The following GRK5 variants were observed in gnomAD, a reference collection of about 807,000 sequenced individuals.
The protein encoded by GRK5 is G protein-coupled receptor kinase 5, also known as g protein-coupled receptor kinase GRK5.
GRK5 carries 40 observed loss-of-function variants against 78.4 expected under a neutral mutation model. That is an observed-to-expected ratio of 0.51 (90% CI 0.40 to 0.66). The LOEUF is 0.66. GRK5 is among the 30% of genes least tolerant of loss of function. The probability of loss-of-function intolerance (pLI) is 0.00; values close to 1 mark genes in which losing one functional copy is unlikely to be tolerated. For missense variants in GRK5, 598 were observed against 759.9 expected, an observed-to-expected ratio of 0.79 and a Z score of 2.50; for synonymous variants, 289 against 296.8, an observed-to-expected ratio of 0.97 and a Z score of 0.27.
intron 4 of GRK5, among the ~76,000 whole-genome samples, chr10:119,407,869 A>G (rs1852265367): frequency 6.6e-6 from 1 of 152,104 alleles, no homozygotes; most frequent in African/African-American, 2.4e-5. Flanking sequence ...TACAAAGAAA[A>G]GAAAACTTGG....
At chr10:119,242,037 T>C (rs1485591631) in intron 1 of GRK5, among the ~76,000 whole-genome samples, 1 of 151,924 alleles carries the variant, frequency 6.6e-6, no homozygotes, top group Non-Finnish European at 1.5e-5. Context: ...GTGCTAAGAG[T>C]TGTCTGCTTT....
intron 2 of GRK5, among the ~76,000 whole-genome samples, chr10:119,362,901 T>A (rs539283497): frequency 6.6e-6 from 1 of 151,878 alleles, no homozygotes; most frequent in South Asian, 2.1e-4. Context: ...TTTAACCCCT[T>A]ATTGGCAGCC....
At chr10:119,234,082 C>T (rs1444199199) in intron 1 of GRK5, among the ~76,000 whole-genome samples, 1 of 152,202 alleles carries the variant, frequency 6.6e-6, no homozygotes, top group African/African-American at 2.4e-5. Context: ...GTGCCACCTC[C>T]CATTAGCCTT....
chr10:119,342,754 A>T lies in GRK5; in HGVS notation c.148+16143A>T, dbSNP rs192776119. On this transcript the variant is annotated intron_variant, in intron 2 of 15. Coordinates refer to ENST00000392870, the MANE Select transcript of GRK5 (RefSeq NM_005308.3). ...GCCAGGGTGCTGCCAGGTGGTGGGG[A>T]GCGGCTTTCAGAAGTGGCTCTTGGC... Among the ~76,000 whole-genome samples the T allele has an allele frequency of 3.5e-3, 537 of 152,094 alleles. 2 individuals carry two copies. Among genetic ancestry groups the T allele is most frequent in the Non-Finnish European group, 5.3e-3 (357 of 67,980 alleles).
At chr10:119,388,796 C>A (rs74724853) in intron 3 of GRK5, among the ~76,000 whole-genome samples, 4 of 152,234 alleles carry the variant, frequency 2.6e-5, no homozygotes, top group Non-Finnish European at 5.9e-5. Context: ...GGGCTGCAGT[C>A]ATCTGAAGGC....
intron 3 of GRK5, among the ~76,000 whole-genome samples, chr10:119,394,384 GTATC>G (rs1851978774): frequency 5.1e-5 from 3 of 58,528 alleles, no homozygotes; most frequent in Non-Finnish European, 1.1e-4. Flanking sequence ...GTCGGTGTGT[GTATC>G]TGTGTCTGTG....
chr10:119,251,390 C>A (rs971315918), intron 1 of GRK5, among the ~76,000 whole-genome samples: 26 of 152,196 alleles, frequency 1.7e-4, no homozygotes, highest in Admixed American at 5.2e-4. Flanking sequence ...ATCACCAATG[C>A]CTTTCTGTGA....
At chr10:119,262,708 A>C (rs561214222) in intron 1 of GRK5, among the ~76,000 whole-genome samples, 2 of 152,236 alleles carry the variant, frequency 1.3e-5, no homozygotes, top group African/African-American at 4.8e-5. Context: ...GATTAAGATT[A>C]TTTTGGAATC....
At chr10:119,392,650 C>T (rs149294584) in intron 3 of GRK5, among the ~76,000 whole-genome samples, 6,073 of 152,122 alleles carry the variant, frequency 0.04, 172 homozygotes, top group South Asian at 0.079. Flanking sequence ...GTGATCCGCC[C>T]GCCTCGGCCT....
chr10:119,249,255 G>C (rs1235533183), intron 1 of GRK5, among the ~76,000 whole-genome samples: 1 of 151,740 alleles, frequency 6.6e-6, no homozygotes, highest in East Asian at 1.9e-4. Context: ...TGGGCAACAA[G>C]AGCGAAACTT....
intron 2 of GRK5, among the ~76,000 whole-genome samples, chr10:119,342,129 G>C (rs376637495): frequency 1.3e-5 from 2 of 152,216 alleles, no homozygotes; most frequent in African/African-American, 4.8e-5. Flanking sequence ...TAAAGGCCTT[G>C]GCTGAGCCCA....
At chr10:119,423,402 T>G in intron 5 of GRK5, 136 bp downstream of exon 5, 1 of 642,984 alleles carries the variant, frequency 1.6e-6, no homozygotes, top group South Asian at 1.9e-5. Context: ...TACCAACTGT[T>G]TGTATACTTC....
At chr10:119,272,764 G>C (rs1483791746) in intron 1 of GRK5, among the ~76,000 whole-genome samples, 1 of 152,134 alleles carries the variant, frequency 6.6e-6, no homozygotes, top group Non-Finnish European at 1.5e-5. Flanking sequence ...AAATACCACA[G>C]AATCTGGAGT....
chr10:119,341,733 T>C (rs547838550), intron 2 of GRK5, among the ~76,000 whole-genome samples: 2 of 152,268 alleles, frequency 1.3e-5, no homozygotes, highest in South Asian at 4.1e-4. Flanking sequence ...CAGGCACTTG[T>C]AGAATCTTGT....
intron 1 of GRK5, among the ~76,000 whole-genome samples, chr10:119,311,030 G>C (rs1850350165): frequency 6.6e-6 from 1 of 152,182 alleles, no homozygotes; most frequent in Non-Finnish European, 1.5e-5. Context: ...CCCAGGGGAG[G>C]GGCTGTGTGT....
At chr10:119,284,644 G>C (rs1051414791) in intron 1 of GRK5, among the ~76,000 whole-genome samples, 3 of 152,224 alleles carry the variant, frequency 2.0e-5, no homozygotes, top group Admixed American at 6.5e-5. Flanking sequence ...GGCTGCTGTG[G>C]CCTCTCAGTC....
chr10:119,385,464 C>T (rs1278369619), intron 3 of GRK5, among the ~76,000 whole-genome samples: 3 of 152,048 alleles, frequency 2.0e-5, no homozygotes, highest in Non-Finnish European at 4.4e-5. Context: ...CTCTGGCTTC[C>T]ATGTTGGGAG....
intron 1 of GRK5, among the ~76,000 whole-genome samples, chr10:119,305,982 C>G (rs1028762461): frequency 1.3e-5 from 2 of 152,264 alleles, no homozygotes; most frequent in Admixed American, 1.3e-4. Context: ...TATCTCTGCT[C>G]TCAGCCACCC....
intron 4 of GRK5, among the ~76,000 whole-genome samples, chr10:119,397,466 T>C (rs1160745955): frequency 6.6e-6 from 1 of 152,200 alleles, no homozygotes; most frequent in African/African-American, 2.4e-5. Context: ...TCTGTTTCCC[T>C]TTCTTAAAAG....
Sources: allele counts gnomAD v4.1 joint callset (sites outside exome capture counted in the v4.1 genomes callset), GRCh38; gene constraint gnomAD v4.1.1; transcripts MANE v1.5; gene names NCBI Gene and HGNC (gene_info 2026-07-23, HGNC 2026-07-21).